ESYT3: variants seen among roughly 807,000 people sequenced by gnomAD.
The protein encoded by ESYT3 is extended synaptotagmin-3.
Under a neutral mutation model 111.5 loss-of-function variants are expected in ESYT3, and 101 were observed. The ratio of observed to expected loss-of-function variants is 0.91; its 90% CI spans 0.77 to 1.07. ESYT3 has a LOEUF of 1.07. Among genes scored for constraint, ESYT3 ranks in the 50% least tolerant of loss-of-function variants. The pLI is 0.00. For synonymous variants in ESYT3, 416 were observed against 446.8 expected, an observed-to-expected ratio of 0.93 and a Z score of 0.87; for missense variants, 1,097 against 1,109.4, an observed-to-expected ratio of 0.99 and a Z score of 0.16.
At position 138,470,925 on chromosome 3, in the gene ESYT3, C is replaced by G; in HGVS notation, c.1639C>G (p.Leu547Val). ...ECALGMLEVPLCQILPYADLT... is the reference protein window; with the variant it reads ...ECALGMLEVPVCQILPYADLT... ...TGCTCTGGGAATGCTGGAGGTCCCC[C>G]TGTGCCAGATCCTCCCCTATGCTGA... Residue 547 changes from leucine to valine, a missense_variant, in exon 17 of 23, where the codon CTG becomes GTG. Leu to Val is a conservative substitution (Grantham distance 32). Coordinates refer to ENST00000389567, the MANE Select transcript of ESYT3 (RefSeq NM_031913.5). The G allele has an allele frequency of 6.2e-7, 1 of 1,614,156 alleles. No homozygotes were observed. The highest frequency in any genetic ancestry group is 8.5e-7 in the Non-Finnish European group (1 of 1,180,028).
intron 14 of ESYT3, 27 bp from the exon 15 acceptor site, chr3:138,469,409 C>T (rs1306285800): frequency 3.1e-6 from 5 of 1,600,698 alleles, no homozygotes; most frequent in African/African-American, 2.7e-5. Flanking sequence ...ATGCCACCTT[C>T]ACTGTTATGG....
intron 2 of ESYT3, among the ~76,000 whole-genome samples, chr3:138,453,284 T>A (rs1260018718): frequency 6.6e-6 from 1 of 152,058 alleles, no homozygotes; most frequent in Non-Finnish European, 1.5e-5. Flanking sequence ...ATACAAGGCG[T>A]TGGAGATATA....
chr3:138,464,077 G>A (rs531379493), intron 8 of ESYT3, among the ~76,000 whole-genome samples: 1 of 152,378 alleles, frequency 6.6e-6, no homozygotes, highest in African/African-American at 2.4e-5. Context: ...GATAGCTGCA[G>A]TTGAATAAGC....
chr3:138,476,851 CT>C lies in ESYT3; in HGVS notation c.2659del (p.Ter887AspfsTer12). The part of the protein sequence containing the change: ...ELTPNGQPRS[*>X] ...TGACTCCAAATGGACAGCCCAGAAG[CT>C]GATGATGAGAATTCTTATCACTCAC... is the stretch of plus-strand genomic sequence containing the variant. On this transcript the variant is annotated frameshift_variant and stop_lost, in exon 23 of 23. Transcript: ENST00000389567. LOFTEE classifies it high-confidence loss of function. The C allele has an allele frequency of 6.2e-7, 1 of 1,613,706 alleles. No homozygotes were observed. Among genetic ancestry groups the C allele is most frequent in the Non-Finnish European group, 8.5e-7 (1 of 1,179,662 alleles).
At chr3:138,464,581 G>T in intron 9 of ESYT3, 66 bp downstream of exon 9, 7 of 1,538,898 alleles carry the variant, frequency 4.5e-6, no homozygotes, top group Non-Finnish European at 6.3e-6. Flanking sequence ...CAATCCAGGG[G>T]CAACACTAGG....
intron 19 of ESYT3, 115 bp downstream of exon 19, chr3:138,473,749 T>C (rs2033356279): frequency 4.4e-6 from 4 of 901,542 alleles, no homozygotes; most frequent in Non-Finnish European, 6.7e-6. Context: ...AATAACACTT[T>C]GGGGGAAAAA....
Position 138,472,362 on chromosome 3 carries a change from G to A in ESYT3, c.1741-1G>A. On this transcript the variant is annotated splice_acceptor_variant, in intron 17 of 22. Coordinates refer to ENST00000389567, the MANE Select transcript of ESYT3 (RefSeq NM_031913.5). LOFTEE classifies it high-confidence loss of function. ...TAAGCCACCCTCTTATCTGCTTGCA[G>A]TTCCTGCAAGTGGAGGAACGAGAGC... 6.2e-7 allele frequency: 1 copy of A among 1,612,796 alleles called. No homozygotes were observed. The highest frequency in any genetic ancestry group is 8.5e-7 in the Non-Finnish European group (1 of 1,179,498).
In ESYT3 at chr3:138,473,753, G is replaced by A. The variant is rs1326370298; in HGVS notation, c.2336+119G>A. The A allele has an allele frequency of 4.0e-5, 35 of 869,576 alleles. No individual in the cohort carries two copies. In the South Asian group the frequency reaches 4.9e-4, roughly 12 times the overall value. 53.9% of individuals were successfully genotyped at this position (869,576 alleles called of 1,614,324 possible). A position where few individuals can be genotyped will look rare whatever the true frequency, so the allele number is the denominator to read the frequency against. ...GTCCCAAGATAAATAACACTTTGGG[G>A]GAAAAATGAGATTTGAAGGCCTGAA... On this transcript the variant is annotated intron_variant, in intron 19 of 22. Transcript: ENST00000389567.
At position 138,478,890 on chromosome 3, in the gene ESYT3, A is replaced by G. The variant is rs2033603799; in HGVS notation, c.*2036A>G. ...TCTGAAGTTAACATCATCTTGGTAC[A>G]GAAACCCCCAAACCTAAGACGGAAT... On this transcript the variant is annotated 3_prime_UTR_variant, in exon 23 of 23. Transcript: ENST00000389567. 6.6e-6 allele frequency: 1 copy of G among 151,856 alleles called. No homozygotes were observed. Among genetic ancestry groups the G allele is most frequent in the Admixed American group, 6.5e-5 (1 of 15,268 alleles). 9.4% of individuals were successfully genotyped at this position (151,856 alleles called of 1,614,324 possible).
chr3:138,456,503 T>A (rs1411977596), intron 3 of ESYT3, among the ~76,000 whole-genome samples: 1 of 152,184 alleles, frequency 6.6e-6, no homozygotes, highest in African/African-American at 2.4e-5. Flanking sequence ...TCAGTCAGGC[T>A]GCTCCTCTGG....
intron 1 of ESYT3, among the ~76,000 whole-genome samples, chr3:138,439,200 T>C (rs1368765107): frequency 1.3e-5 from 2 of 152,218 alleles, no homozygotes; most frequent in East Asian, 3.8e-4. Context: ...GTGGGGGCTG[T>C]CCCTTTATGT....
intron 8 of ESYT3, 116 bp from the exon 9 acceptor site, chr3:138,464,229 A>G (rs1269885052): frequency 3.3e-6 from 4 of 1,214,930 alleles, no homozygotes; most frequent in Non-Finnish European, 4.6e-6. Flanking sequence ...CCTGGTCCAG[A>G]CCGTGGAGGG....
chr3:138,449,678 G>T (rs2031797781), intron 1 of ESYT3, among the ~76,000 whole-genome samples: 1 of 152,124 alleles, frequency 6.6e-6, no homozygotes, highest in Non-Finnish European at 1.5e-5. Context: ...CGGGCCAAAG[G>T]TGTGGGATGG....
chr3:138,475,430 G>GCAGCCTCCACCCTAAAAATAAAC (rs1310615716), intron 20 of ESYT3, among the ~76,000 whole-genome samples: 1 of 152,178 alleles, frequency 6.6e-6, no homozygotes, highest in African/African-American at 2.4e-5. Flanking sequence ...GGCAGAGTTG[G>GCAGCCTCCACCCTAAAAATAAAC]CAGCCTCCAC....
At chr3:138,476,723 TACAGA>T in intron 22 of ESYT3, 90 bp from the exon 23 acceptor site, 1 of 1,306,908 alleles carries the variant, frequency 7.7e-7, no homozygotes, top group Admixed American at 1.8e-5. Flanking sequence ...CTGCTGGTCT[TACAGA>T]GGCCCAGGCA....
chr3:138,451,962 A>C, intron 1 of ESYT3, 86 bp from the exon 2 acceptor site: 1 of 1,480,796 alleles, frequency 6.8e-7, no homozygotes, highest in Non-Finnish European at 9.4e-7. Context: ...GCGTGGGCGG[A>C]ATGGGAAGCC....
At position 138,474,069 on chromosome 3, in the gene ESYT3, C is replaced by T. The variant is rs2033369232; in HGVS notation, c.2337-152C>T. ...CATCAGGACCACTGAGCATTTTTAT[C>T]CTTAAGCGTATCTAATGCTGAATGG... On this transcript the variant is annotated intron_variant, in intron 19 of 22. Coordinates refer to ENST00000389567, the MANE Select transcript of ESYT3 (RefSeq NM_031913.5). The T allele has an allele frequency of 6.9e-6, 7 of 1,008,510 alleles. No individual in the cohort carries two copies. The East Asian group carries it at 1.7e-4, about 25-fold the overall frequency. 62.5% of individuals were successfully genotyped at this position (1,008,510 alleles called of 1,614,324 possible). A position where few individuals can be genotyped will look rare whatever the true frequency, so the allele number is the denominator to read the frequency against.
At chr3:138,460,716 A>G (rs1420180896) in intron 7 of ESYT3, 50 bp downstream of exon 7, 4 of 1,580,208 alleles carry the variant, frequency 2.5e-6, no homozygotes, top group Non-Finnish European at 2.6e-6. Flanking sequence ...GGGGGCCTCC[A>G]GGGCTCTGCA....
At chr3:138,437,562 G>A (rs1054907672) in intron 1 of ESYT3, among the ~76,000 whole-genome samples, 1 of 152,188 alleles carries the variant, frequency 6.6e-6, no homozygotes, top group Non-Finnish European at 1.5e-5. Flanking sequence ...GGTAGGGGTT[G>A]ATGTGTGACA....
Sources: allele counts gnomAD v4.1 joint callset (sites outside exome capture counted in the v4.1 genomes callset), GRCh38; gene constraint gnomAD v4.1.1; transcripts MANE v1.5; gene names NCBI Gene and HGNC (gene_info 2026-07-23, HGNC 2026-07-21).